The following OR2L13 variants were observed in gnomAD, a reference collection of about 807,000 sequenced individuals.
OR2L13 encodes olfactory receptor family 2 subfamily L member 13.
OR2L13 carries 14 observed loss-of-function variants against 15.3 expected under a neutral mutation model. That is an observed-to-expected ratio of 0.91 (90% confidence interval 0.60 to 1.43). The LOEUF (loss-of-function observed/expected upper bound fraction) is 1.43. OR2L13 is among the 40% of genes most tolerant of loss of function. The probability of loss-of-function intolerance (pLI) is 0.00; values close to 1 mark genes in which losing one functional copy is unlikely to be tolerated. For missense variants in OR2L13, 367 were observed against 387.9 expected, an observed-to-expected ratio of 0.95 and a Z score of 0.45; for synonymous variants, 152 against 142.9, an observed-to-expected ratio of 1.06 and a Z score of -0.45.
the OR2L13 span, among the ~76,000 whole-genome samples, chr1:248,046,631 C>A: frequency 6.6e-6 from 1 of 152,138 alleles, no homozygotes; most frequent in South Asian, 2.1e-4. Flanking sequence ...CCTAGAATGT[C>A]CAAAGTCTCA....
the OR2L13 span, among the ~76,000 whole-genome samples, chr1:248,030,790 A>G: frequency 3.3e-5 from 5 of 152,292 alleles, no homozygotes; most frequent in East Asian, 7.7e-4. Context: ...ATTAAAACCA[A>G]TGGAATCACG....
the OR2L13 span, among the ~76,000 whole-genome samples, chr1:247,981,784 T>C: frequency 0.041 from 6,236 of 152,136 alleles, 405 homozygotes; most frequent in African/African-American, 0.14. Context: ...AAGTAATACA[T>C]GTTCACTATG....
chr1:247,938,045 C>A, the OR2L13 span, among the ~76,000 whole-genome samples: 3,003 of 151,976 alleles, frequency 0.02, 59 homozygotes, highest in Non-Finnish European at 0.03. Flanking sequence ...ATATTAAGGA[C>A]CTTAAATAAA....
chr1:247,946,372 C>A, the OR2L13 span, among the ~76,000 whole-genome samples: 5,392 of 152,008 alleles, frequency 0.035, 129 homozygotes, highest in African/African-American at 0.054. Context: ...GAACAGAAGC[C>A]GGGAAAGTGG....
At chr1:247,958,311 T>G in the OR2L13 span, among the ~76,000 whole-genome samples, 1 of 152,206 alleles carries the variant, frequency 6.6e-6, no homozygotes, top group African/African-American at 2.4e-5. Flanking sequence ...GAGAGACAGT[T>G]TGTTATAATT....
the OR2L13 span, among the ~76,000 whole-genome samples, chr1:248,074,594 G>T: frequency 3.9e-5 from 6 of 152,164 alleles, no homozygotes; most frequent in African/African-American, 1.4e-4. Flanking sequence ...AATAGTGAAT[G>T]TCTCACTTAA....
the OR2L13 span, chr1:247,990,668 G>A: frequency 3.1e-5 from 48 of 1,526,736 alleles, no homozygotes; most frequent in African/African-American, 2.5e-4. Context: ...TATCCCATCC[G>A]TATGAGAAAA....
the OR2L13 span, among the ~76,000 whole-genome samples, chr1:248,053,464 A>C: frequency 7.2e-5 from 11 of 152,214 alleles, no homozygotes; most frequent in African/African-American, 2.7e-4. Flanking sequence ...CTTTGGGTAT[A>C]CACCCAGTAA....
At chr1:248,022,302 T>A in the OR2L13 span, 9 of 1,614,142 alleles carry the variant, frequency 5.6e-6, no homozygotes, top group Non-Finnish European at 7.6e-6. Context: ...ATCAATGGCC[T>A]ATGATCGTTA....
the OR2L13 span, among the ~76,000 whole-genome samples, chr1:247,951,342 G>A: frequency 2.0e-5 from 3 of 152,260 alleles, no homozygotes; most frequent in African/African-American, 7.2e-5. Flanking sequence ...TATTTTGACA[G>A]ACATTGCATT....
At chr1:247,957,916 G>T in the OR2L13 span, among the ~76,000 whole-genome samples, 1 of 152,000 alleles carries the variant, frequency 6.6e-6, no homozygotes, top group Non-Finnish European at 1.5e-5. Context: ...TTGATTTTTT[G>T]AAGGGTTTTT....
the OR2L13 span, chr1:247,948,794 G>A: frequency 5.8e-6 from 8 of 1,386,740 alleles, no homozygotes; most frequent in Non-Finnish European, 6.0e-6. Context: ...CTGCAGATAA[G>A]GGCGAATTAC....
exon 3 of OR2L13, chr1:248,100,444 A>C: frequency 2.3e-6 from 1 of 442,562 alleles, no homozygotes; most frequent in East Asian, 3.5e-5. Flanking sequence ...CAGTCAAATA[A>C]ATTTAAATAA....
At chr1:247,945,529 A>G in the OR2L13 span, among the ~76,000 whole-genome samples, 2 of 152,108 alleles carry the variant, frequency 1.3e-5, no homozygotes, top group African/African-American at 4.8e-5. Context: ...CTTGGTCTAG[A>G]GCTGAGTTCA....
chr1:248,066,336 G>A, the OR2L13 span, among the ~76,000 whole-genome samples: 2 of 152,190 alleles, frequency 1.3e-5, no homozygotes, highest in South Asian at 2.1e-4. Flanking sequence ...AGGATATAAA[G>A]TGGGTGAGGT....
the OR2L13 span, among the ~76,000 whole-genome samples, chr1:248,085,321 G>C: frequency 6.6e-6 from 1 of 151,038 alleles, no homozygotes; most frequent in Non-Finnish European, 1.5e-5. Flanking sequence ...AATCACTACT[G>C]TCCAAACCAC....
the OR2L13 span, chr1:247,975,107 G>A: frequency 2.7e-6 from 1 of 374,954 alleles, no homozygotes; most frequent in Non-Finnish European, 5.3e-6. Context: ...TGATCATTAT[G>A]TAGCTGTTTG....
At chr1:248,005,555 G>T in the OR2L13 span, among the ~76,000 whole-genome samples, 5,662 of 152,060 alleles carry the variant, frequency 0.037, 316 homozygotes, top group African/African-American at 0.13. Context: ...CATACGAATC[G>T]TAGAATGGTT....
At chr1:248,003,368 A>C in the OR2L13 span, 1 of 1,608,046 alleles carries the variant, frequency 6.2e-7, no homozygotes, top group Non-Finnish European at 8.5e-7. Flanking sequence ...TGTTCCTAAG[A>C]TGGCATCTGA....
Sources: gnomAD v4.1 joint callset for allele counts (sites outside exome capture counted in the v4.1 genomes callset) on GRCh38, gnomAD v4.1.1 for gene constraint, MANE v1.5 for transcripts, NCBI Gene and HGNC (gene_info 2026-07-23, HGNC 2026-07-21) for gene names.